The following RIMS1 variants were observed in gnomAD, a reference collection of about 807,000 sequenced individuals.
RIMS1 encodes the protein regulating synaptic membrane exocytosis protein 1.
Under a neutral mutation model 214.1 loss-of-function variants are expected in RIMS1, and 83 were observed. The ratio of observed to expected loss-of-function variants is 0.39; its 90% CI spans 0.32 to 0.47. RIMS1 has a LOEUF of 0.47. Among genes scored for constraint, RIMS1 ranks in the 20% least tolerant of loss-of-function variants. The probability of loss-of-function intolerance (pLI) is 0.99; values close to 1 mark genes in which losing one functional copy is unlikely to be tolerated. For missense variants in RIMS1, 2,050 were observed against 2,161.8 expected (o/e 0.95, Z 1.03); for synonymous variants, 793 against 786.8 (o/e 1.01, Z -0.13).
intron 1 of RIMS1, among the ~76,000 whole-genome samples, chr6:71,890,387 G>A (rs1202236536): frequency 6.6e-5 from 3 of 45,796 alleles, no homozygotes; most frequent in Non-Finnish European, 1.4e-4. Flanking sequence ...AATCTTAATA[G>A]TGTTTTGGAT....
At chr6:72,128,144 G>A (rs534960620) in intron 4 of RIMS1, among the ~76,000 whole-genome samples, 5 of 152,238 alleles carry the variant, frequency 3.3e-5, no homozygotes, top group African/African-American at 1.2e-4. Flanking sequence ...AGAGAGGGGC[G>A]CTATCTTCCT....
chr6:72,381,531 G>C (rs1441180730), intron 29 of RIMS1, among the ~76,000 whole-genome samples: 1 of 152,210 alleles, frequency 6.6e-6, no homozygotes, highest in African/African-American at 2.4e-5. Flanking sequence ...AGTACAGATG[G>C]TATGTTTCAG....
intron 2 of RIMS1, among the ~76,000 whole-genome samples, chr6:72,059,880 A>G (rs1198208170): frequency 6.6e-6 from 1 of 152,166 alleles, no homozygotes; most frequent in African/African-American, 2.4e-5. Flanking sequence ...GCAGAATTGG[A>G]TATGCCAAAT....
In RIMS1 at chr6:72,347,768, G is replaced by A. The variant is rs534293014; in HGVS notation, c.4366+13933G>A. Among the ~76,000 whole-genome samples the A allele has an allele frequency of 3.9e-5, 6 of 151,936 alleles. No homozygotes were observed. In the East Asian group the frequency reaches 1.2e-3, roughly 29 times the overall value. ...AAATTCTTAATCTGTCAGTTTGTCTGTCAAAATCTTTCTCTTCATTCAAGC... is the reference window on the plus strand; with the variant it reads ...AAATTCTTAATCTGTCAGTTTGTCTATCAAAATCTTTCTCTTCATTCAAGC... On this transcript the variant is annotated intron_variant, in intron 29 of 33. Transcript: ENST00000521978.
chr6:72,396,914 G>C (rs2098785391), intron 31 of RIMS1, among the ~76,000 whole-genome samples: 1 of 152,156 alleles, frequency 6.6e-6, no homozygotes, highest in Non-Finnish European at 1.5e-5. Flanking sequence ...TCAGGAGACT[G>C]AGGCAGGAGA....
At chr6:72,016,065 C>T (rs933076789) in intron 2 of RIMS1, among the ~76,000 whole-genome samples, 2 of 152,058 alleles carry the variant, frequency 1.3e-5, no homozygotes, top group African/African-American at 2.4e-5. Context: ...TTTGGATGAC[C>T]GTGTGGTTTT....
At chr6:72,233,106 C>T (rs1355518177) in intron 6 of RIMS1, among the ~76,000 whole-genome samples, 3 of 151,796 alleles carry the variant, frequency 2.0e-5, no homozygotes, top group Non-Finnish European at 4.4e-5. Flanking sequence ...TGATACTTTC[C>T]ATTGAAGTTT....
chr6:72,205,582 G>T (rs2052760041), intron 6 of RIMS1, among the ~76,000 whole-genome samples: 2 of 152,118 alleles, frequency 1.3e-5, no homozygotes, highest in Non-Finnish European at 2.9e-5. Context: ...CTGGTGTTTG[G>T]AACTGAAATC....
chr6:72,286,344 G>T (rs929324853), intron 24 of RIMS1, among the ~76,000 whole-genome samples: 1 of 152,160 alleles, frequency 6.6e-6, no homozygotes, highest in East Asian at 1.9e-4. Context: ...CTTAACTCCA[G>T]ATTAATGATA....
At chr6:72,211,141 T>TAA (rs1314471955) in intron 6 of RIMS1, among the ~76,000 whole-genome samples, 1 of 152,214 alleles carries the variant, frequency 6.6e-6, no homozygotes, top group East Asian at 1.9e-4. Flanking sequence ...TTGGTATTAC[T>TAA]AAAAGGATCT....
At chr6:72,253,420 A>G (rs113370691) in intron 16 of RIMS1, among the ~76,000 whole-genome samples, 7 of 152,300 alleles carry the variant, frequency 4.6e-5, no homozygotes, top group African/African-American at 1.7e-4. Flanking sequence ...GTAAGTTAGT[A>G]AAACTTTTGT....
chr6:72,289,531 C>T (rs9442762), intron 24 of RIMS1, among the ~76,000 whole-genome samples: 2,891 of 152,184 alleles, frequency 0.019, 120 homozygotes, highest in African/African-American at 0.067. Flanking sequence ...AAGTAAAATA[C>T]GCCTTTATTA....
intron 22 of RIMS1, among the ~76,000 whole-genome samples, chr6:72,269,836 CT>C (rs1290196229): frequency 1.3e-5 from 2 of 152,060 alleles, no homozygotes; most frequent in African/African-American, 4.8e-5. Context: ...TTAAAATATT[CT>C]TCTTCCTTTG....
intron 6 of RIMS1, among the ~76,000 whole-genome samples, chr6:72,195,747 GTA>G (rs1434745422): frequency 6.6e-6 from 1 of 152,106 alleles, no homozygotes; most frequent in African/African-American, 2.4e-5. Flanking sequence ...GACTAGAAGT[GTA>G]TTAGTCCATT....
chr6:71,892,022 C>T (rs1770049982), intron 1 of RIMS1, among the ~76,000 whole-genome samples: 1 of 152,134 alleles, frequency 6.6e-6, no homozygotes, highest in Non-Finnish European at 1.5e-5. Flanking sequence ...CTGTTTTCTA[C>T]TTTTATACAT....
intron 29 of RIMS1, among the ~76,000 whole-genome samples, chr6:72,378,016 A>G (rs1479694479): frequency 1.3e-5 from 2 of 152,216 alleles, no homozygotes; most frequent in African/African-American, 4.8e-5. Flanking sequence ...ATAAGCACTC[A>G]AGAATAAATA....
At chr6:72,138,206 CATCA>C (rs2041620652) in intron 4 of RIMS1, among the ~76,000 whole-genome samples, 1 of 152,094 alleles carries the variant, frequency 6.6e-6, no homozygotes. Flanking sequence ...AATGTGTATA[CATCA>C]TTTTCTTTAA....
intron 2 of RIMS1, among the ~76,000 whole-genome samples, chr6:71,998,114 C>T (rs1275073754): frequency 6.6e-6 from 1 of 152,152 alleles, no homozygotes; most frequent in East Asian, 1.9e-4. Flanking sequence ...CCACTGCCTT[C>T]TCCCTTTCAA....
chr6:72,229,582 T>C (rs1053114480), intron 6 of RIMS1, among the ~76,000 whole-genome samples: 3 of 151,854 alleles, frequency 2.0e-5, no homozygotes, highest in African/African-American at 7.2e-5. Context: ...TATTGCTTAT[T>C]TATCCCAAAG....
Sources: allele counts gnomAD v4.1 joint callset (sites outside exome capture counted in the v4.1 genomes callset), GRCh38; gene constraint gnomAD v4.1.1; transcripts MANE v1.5; gene names NCBI Gene and HGNC (gene_info 2026-07-23, HGNC 2026-07-21).